PAK5: variants seen among roughly 807,000 people sequenced by gnomAD.
The protein encoded by PAK5 is p21 (RAC1) activated kinase 5.
Under a neutral mutation model 65.9 loss-of-function variants are expected in PAK5, and 16 were observed. That is an observed-to-expected ratio of 0.24 (90% CI 0.16 to 0.37). PAK5 has a LOEUF of 0.37. Among genes scored for constraint, PAK5 ranks in the 10% least tolerant of loss-of-function variants. The pLI is 1.00. For missense variants in PAK5, 785 were observed against 903.9 expected, an observed-to-expected ratio of 0.87 and a Z score of 1.69; for synonymous variants, 371 against 354.9, an observed-to-expected ratio of 1.05 and a Z score of -0.51.
intron 4 of PAK5, among the ~76,000 whole-genome samples, chr20:9,570,188 A>G (rs1455319617): frequency 5.3e-5 from 8 of 152,184 alleles, no homozygotes; most frequent in African/African-American, 1.9e-4. Flanking sequence ...ACTGGCCAGT[A>G]AGTTCTACTT....
intron 3 of PAK5, among the ~76,000 whole-genome samples, chr20:9,627,882 C>T (rs2046868903): frequency 1.3e-5 from 2 of 152,214 alleles, no homozygotes; most frequent in South Asian, 4.1e-4. Flanking sequence ...CTGCCTCTGC[C>T]TCCCAAAGTG....
At chr20:9,567,303 C>CA (rs1249189094) in intron 4 of PAK5, among the ~76,000 whole-genome samples, 1 of 152,154 alleles carries the variant, frequency 6.6e-6, no homozygotes, top group Non-Finnish European at 1.5e-5. Flanking sequence ...TTTCTTAATG[C>CA]AGTGCCCCAG....
chr20:9,828,171 G>A (rs1390838812), intron 1 of PAK5, among the ~76,000 whole-genome samples: 2 of 152,182 alleles, frequency 1.3e-5, no homozygotes, highest in African/African-American at 4.8e-5. Context: ...TGTGAGGGTA[G>A]GAGAAGAGTA....
intron 6 of PAK5, 99 bp from the exon 7 acceptor site, chr20:9,557,833 C>T (rs1050407896): frequency 1.6e-5 from 14 of 882,016 alleles, no homozygotes; most frequent in Non-Finnish European, 2.3e-5. Context: ...AAACAGTCCA[C>T]GTGCTCCAGC....
At chr20:9,662,630 T>C (rs886094567) in intron 2 of PAK5, among the ~76,000 whole-genome samples, 4 of 152,144 alleles carry the variant, frequency 2.6e-5, no homozygotes, top group Admixed American at 2.6e-4. Context: ...ATCCCTGAAC[T>C]GCTGTATGGA....
chr20:9,565,974 G>A lies in PAK5; in HGVS notation c.1401C>T (p.Thr467=), dbSNP rs368434501. The A allele has an allele frequency of 3.1e-6, 5 of 1,613,666 alleles. No homozygotes were observed. In the East Asian group the frequency reaches 6.7e-5, roughly 22 times the overall value. The part of the protein sequence containing the change: ...EGSTGIVCIA[T]EKHTGKQVAV... The stretch of plus-strand genomic sequence containing the variant: ...CAACTTGTTTCCCTGTGTGTTTCTC[G>A]GTGGCGATGCATACGATGCCGGTTG... The change falls in exon 5 of 10, where the codon ACC becomes ACT. Residue 467 remains threonine, a synonymous_variant. Coordinates refer to ENST00000353224, the MANE Select transcript of PAK5 (RefSeq NM_177990.4).
chr20:9,770,072 G>A (rs1039702229), intron 1 of PAK5, among the ~76,000 whole-genome samples: 2 of 152,134 alleles, frequency 1.3e-5, no homozygotes, highest in African/African-American at 4.8e-5. Flanking sequence ...AAAAAATAGA[G>A]CTTATGTGTA....
At chr20:9,777,918 C>T (rs2048903300) in intron 1 of PAK5, among the ~76,000 whole-genome samples, 1 of 152,092 alleles carries the variant, frequency 6.6e-6, no homozygotes, top group Non-Finnish European at 1.5e-5. Context: ...TTTCCTGCAT[C>T]ACAAGAAGGG....
At chr20:9,698,725 C>T (rs570768238) in intron 2 of PAK5, among the ~76,000 whole-genome samples, 13 of 152,300 alleles carry the variant, frequency 8.5e-5, no homozygotes, top group African/African-American at 2.6e-4. Flanking sequence ...GAACTCAGGA[C>T]TGCACTGCTG....
intron 1 of PAK5, among the ~76,000 whole-genome samples, chr20:9,761,700 T>C (rs76681213): frequency 0.013 from 1,923 of 152,218 alleles, 45 homozygotes; most frequent in African/African-American, 0.044. Context: ...AATAGACACA[T>C]AAGTGGGTAA....
At chr20:9,686,565 C>G (rs1400252438) in intron 2 of PAK5, among the ~76,000 whole-genome samples, 1 of 152,080 alleles carries the variant, frequency 6.6e-6, no homozygotes, top group South Asian at 2.1e-4. Flanking sequence ...CTTTGGCACA[C>G]TGGAAGTAGC....
At chr20:9,721,275 G>A (rs959876097) in intron 1 of PAK5, among the ~76,000 whole-genome samples, 9 of 151,972 alleles carry the variant, frequency 5.9e-5, no homozygotes, top group South Asian at 2.1e-4. Flanking sequence ...CGAAGGACTC[G>A]GGCTTGGCAT....
At chr20:9,750,775 T>TG (rs2048567109) in intron 1 of PAK5, among the ~76,000 whole-genome samples, 1 of 152,138 alleles carries the variant, frequency 6.6e-6, no homozygotes, top group African/African-American at 2.4e-5. Flanking sequence ...AGGGCCATGA[T>TG]CGCTTACACT....
chr20:9,705,539 T>C (rs2047995600), intron 2 of PAK5, among the ~76,000 whole-genome samples: 1 of 152,148 alleles, frequency 6.6e-6, no homozygotes. Flanking sequence ...CGATCATATG[T>C]GTATTCAGGG....
rs180934404 is a variant in PAK5, at chr20:9,681,433, T to C, written c.-12+29853A>G. On this transcript the variant is annotated intron_variant, in intron 2 of 9. Coordinates refer to ENST00000353224, the MANE Select transcript of PAK5 (RefSeq NM_177990.4). ...TAAACTATCTTGCTTAAAAGATGTT[T>C]CCCCCAACTTGTCCTATCTTTATTT... Among the ~76,000 whole-genome samples, 114 of 152,238 alleles carry C rather than the reference T, an allele frequency of 7.5e-4. 1 individual carries two copies. Among genetic ancestry groups the C allele is most frequent in the African/African-American group, 2.7e-3 (113 of 41,554 alleles).
At chr20:9,676,074 T>C (rs2047567380) in intron 2 of PAK5, among the ~76,000 whole-genome samples, 1 of 152,078 alleles carries the variant, frequency 6.6e-6, no homozygotes, top group East Asian at 1.9e-4. Context: ...CACAATCATG[T>C]TGGAAGACAA....
At chr20:9,670,829 T>C (rs1600223389) in intron 2 of PAK5, among the ~76,000 whole-genome samples, 1 of 152,224 alleles carries the variant, frequency 6.6e-6, no homozygotes, top group Non-Finnish European at 1.5e-5. Flanking sequence ...TTTGGTGTTT[T>C]AGACATGAAG....
chr20:9,799,027 T>A (rs2049137376), intron 1 of PAK5, among the ~76,000 whole-genome samples: 1 of 152,116 alleles, frequency 6.6e-6, no homozygotes, highest in African/African-American at 2.4e-5. Flanking sequence ...AAGGAAAGAA[T>A]TAAAAAGTAT....
chr20:9,584,397 C>A (rs920423390), intron 3 of PAK5, among the ~76,000 whole-genome samples: 45 of 152,332 alleles, frequency 3.0e-4, no homozygotes, highest in African/African-American at 1.1e-3. Context: ...ACTACAACCT[C>A]CGCCTCCCGG....
Sources: gnomAD v4.1 joint callset for allele counts (sites outside exome capture counted in the v4.1 genomes callset) on GRCh38, gnomAD v4.1.1 for gene constraint, MANE v1.5 for transcripts, NCBI Gene and HGNC (gene_info 2026-07-23, HGNC 2026-07-21) for gene names.